Variants in CIROZ observed in about 807,000 individuals in gnomAD.
CIROZ encodes the protein ciliated left-right organizer protein containing ZP-N domains.
the CIROZ span, chr1:10,949,576 A>C: frequency 6.4e-7 from 1 of 1,560,428 alleles, no homozygotes; most frequent in Admixed American, 1.9e-5. Context: ...CTTGGGGACC[A>C]GACTCTTTGG....
chr1:10,964,378 C>A, the CIROZ span: 4 of 1,311,536 alleles, frequency 3.0e-6, no homozygotes, highest in Non-Finnish European at 4.1e-6. Flanking sequence ...CACCATGAAC[C>A]TCCTAGAAGG....
At chr1:10,959,373 G>A in the CIROZ span, among the ~76,000 whole-genome samples, 1 of 152,264 alleles carries the variant, frequency 6.6e-6, no homozygotes, top group South Asian at 2.1e-4. This position sits in a 1 kb window ranked among gnomAD's most constrained non-coding sequence, Gnocchi z 4.3. Context: ...CCCGTAGGGT[G>A]GCACCATTCT....
the CIROZ span, chr1:10,948,113 C>T: frequency 6.2e-7 from 1 of 1,613,504 alleles, no homozygotes; most frequent in Admixed American, 1.7e-5. Context: ...TGGGGTCTGG[C>T]TGCCTCACAC....
the CIROZ span, chr1:10,957,772 A>C: frequency 6.2e-7 from 1 of 1,606,778 alleles, no homozygotes; most frequent in Non-Finnish European, 8.5e-7. Context: ...AGAGGACACG[A>C]TCACAAACCA....
chr1:10,951,226 G>A, the CIROZ span, among the ~76,000 whole-genome samples: 1 of 152,112 alleles, frequency 6.6e-6, no homozygotes, highest in South Asian at 2.1e-4. Flanking sequence ...TTGAGCCCAG[G>A]AGTTTAAGAA....
chr1:10,949,686 G>A, the CIROZ span: 1 of 1,605,338 alleles, frequency 6.2e-7, no homozygotes, highest in Non-Finnish European at 8.5e-7. Context: ...TGGGCAGCTG[G>A]TCCTGCAGCC....
At chr1:10,949,874 C>T in the CIROZ span, 9 of 1,424,350 alleles carry the variant, frequency 6.3e-6, no homozygotes, top group South Asian at 2.8e-5. Context: ...CTCCCAACAC[C>T]CTGCTGAAGG....
At chr1:10,948,879 T>C in the CIROZ span, 1 of 1,466,492 alleles carries the variant, frequency 6.8e-7, no homozygotes, top group African/African-American at 1.4e-5. Context: ...AGAAAAAGCA[T>C]TAGAAACAAG....
At chr1:10,966,422 T>G in the CIROZ span, 1 of 1,536,818 alleles carries the variant, frequency 6.5e-7, no homozygotes, top group South Asian at 1.2e-5. Context: ...TGAAGCCAGA[T>G]GCAGGAAGTA....
At chr1:10,950,465 C>T in the CIROZ span, among the ~76,000 whole-genome samples, 10 of 152,222 alleles carry the variant, frequency 6.6e-5, no homozygotes, top group Non-Finnish European at 1.5e-4. Context: ...GGTCAAATAC[C>T]TTGGCTCAGC....
chr1:10,966,257 A>C, the CIROZ span: 2 of 1,354,606 alleles, frequency 1.5e-6, no homozygotes, highest in Admixed American at 2.9e-5. Context: ...GTTTCTGCAG[A>C]GGAATAATGG....
chr1:10,968,467 C>T, the CIROZ span, among the ~76,000 whole-genome samples: 38 of 152,302 alleles, frequency 2.5e-4, no homozygotes, highest in Non-Finnish European at 5.9e-5. Context: ...CAGCTTCCAC[C>T]GCTATCTTTA....
At chr1:10,946,936 A>G in the CIROZ span, among the ~76,000 whole-genome samples, 2 of 152,286 alleles carry the variant, frequency 1.3e-5, no homozygotes, top group African/African-American at 4.8e-5. Context: ...CAGGCCCTCC[A>G]TGCTTTCCTA....
At chr1:10,949,798 C>T in the CIROZ span, 20 of 1,562,888 alleles carry the variant, frequency 1.3e-5, no homozygotes, top group South Asian at 1.2e-4. Flanking sequence ...TTGAGGCAGG[C>T]GACTCTGTTC....
chr1:10,959,791 G>A, the CIROZ span, among the ~76,000 whole-genome samples: 1 of 152,260 alleles, frequency 6.6e-6, no homozygotes, highest in South Asian at 2.1e-4. The surrounding 1 kb of genome is among the most constrained non-coding windows in gnomAD (Gnocchi z 4.3). Flanking sequence ...CAGCTCGGCT[G>A]TTCCTTGGCC....
the CIROZ span, among the ~76,000 whole-genome samples, chr1:10,960,482 C>A: frequency 6.6e-6 from 1 of 152,196 alleles, no homozygotes; most frequent in African/African-American, 2.4e-5. The surrounding 1 kb of genome is among the most constrained non-coding windows in gnomAD (Gnocchi z 4.6). Flanking sequence ...TTTAAGTCGC[C>A]AGGAGGAGGC....
the CIROZ span, chr1:10,949,539 C>T: frequency 1.6e-5 from 23 of 1,467,852 alleles, no homozygotes; most frequent in African/African-American, 2.8e-5. Flanking sequence ...AGAAGGGCCT[C>T]AGGCCCAGCT....
the CIROZ span, among the ~76,000 whole-genome samples, chr1:10,981,116 T>C: frequency 6.6e-6 from 1 of 152,084 alleles, no homozygotes; most frequent in Admixed American, 6.5e-5. Context: ...AAAATGCATC[T>C]CAGATGGGGA....
chr1:10,981,880 A>G, the CIROZ span: 26 of 1,128,172 alleles, frequency 2.3e-5, no homozygotes, highest in Admixed American at 4.0e-4. Flanking sequence ...TGGGCCCCTC[A>G]CCCATTTGGC....
Sources: gnomAD v4.1 joint callset for allele counts (sites outside exome capture counted in the v4.1 genomes callset) on GRCh38, gnomAD v4.1.1 for gene constraint, Gnocchi (gnomAD v3.1) non-coding constraint, MANE v1.5 for transcripts, NCBI Gene and HGNC (gene_info 2026-07-23, HGNC 2026-07-21) for gene names.